ZNF273: variants seen among roughly 807,000 people sequenced by gnomAD.
The protein encoded by ZNF273 is zinc finger protein 9.
A neutral mutation model predicts 14.9 loss-of-function variants in ZNF273; 11 were observed. That is an observed-to-expected ratio of 0.74 (90% confidence interval 0.46 to 1.22). The LOEUF is 1.22. ZNF273 is among the 50% of genes most tolerant of loss of function. ZNF273 has a pLI of 0.00. For missense variants in ZNF273, 577 were observed against 660.6 expected, an observed-to-expected ratio of 0.87 and a Z score of 1.39; for synonymous variants, 199 against 223.9, an observed-to-expected ratio of 0.89 and a Z score of 0.99.
At chr7:64,931,830 A>G (rs1031908030), downstream of ZNF273, among the ~76,000 whole-genome samples, 24 of 152,336 alleles carry the variant, frequency 1.6e-4, no homozygotes, top group Admixed American at 5.2e-4. Flanking sequence ...GAATATATCA[A>G]TGGTGAAACA....
chr7:64,936,131 ATAT>A, the ZNF273 span, among the ~76,000 whole-genome samples: 1 of 152,230 alleles, frequency 6.6e-6, no homozygotes, highest in East Asian at 1.9e-4. Context: ...CTACATACAC[ATAT>A]TATTATTCTC....
At chr7:64,891,691 A>G (rs1010662770), downstream of ZNF273, among the ~76,000 whole-genome samples, 23 of 152,208 alleles carry the variant, frequency 1.5e-4, no homozygotes, top group Admixed American at 1.1e-3. Flanking sequence ...CTTATTATGT[A>G]TCACCAGCCA....
chr7:64,914,950 A>G (rs1377326090), intron 1 of ZNF273, among the ~76,000 whole-genome samples: 1 of 148,514 alleles, frequency 6.7e-6, no homozygotes, highest in Non-Finnish European at 1.5e-5. Context: ...TTAGCTAAAC[A>G]TGTCTCAGAT....
At chr7:64,891,910 C>G (rs1176445805), downstream of ZNF273, among the ~76,000 whole-genome samples, 1 of 152,228 alleles carries the variant, frequency 6.6e-6, no homozygotes, top group South Asian at 2.1e-4. Context: ...GCTCCTGCCT[C>G]TCACTGGCCT....
At position 64,927,941 on chromosome 7, in the gene ZNF273, C is replaced by T. The variant is rs760743220; in HGVS notation, c.613C>T (p.Pro205Ser). The change falls in exon 4 of 4, where the codon CCT becomes TCT. Residue 205 changes from proline to serine, a missense_variant. Transcript: ENST00000476120. Reference protein sequence around the residue: ...IHKKRQTGKKPFKCKECGKSC... With the variant: ...IHKKRQTGKKSFKCKECGKSC... ...TAAGAAAAGACAAACTGGAAAGAAA[C>T]CTTTCAAATGTAAAGAATGTGGCAA... 2 of 1,613,586 alleles carry T rather than the reference C, an allele frequency of 1.2e-6. No individual in the cohort carries two copies. Among genetic ancestry groups the T allele is most frequent in the East Asian group, 2.2e-5 (1 of 44,828 alleles).
At chr7:64,934,467 G>A (rs1186117698), downstream of ZNF273, among the ~76,000 whole-genome samples, 2 of 152,066 alleles carry the variant, frequency 1.3e-5, no homozygotes, top group African/African-American at 2.4e-5. Context: ...TTACATTTAA[G>A]TAATTAAACT....
At chr7:64,909,356 C>G (rs1409629748) in intron 1 of ZNF273, among the ~76,000 whole-genome samples, 3 of 152,032 alleles carry the variant, frequency 2.0e-5, no homozygotes, top group African/African-American at 7.2e-5. Context: ...TCCCAAGCAG[C>G]TGGGATTACA....
downstream of ZNF273, among the ~76,000 whole-genome samples, chr7:64,894,341 T>C (rs1304291429): frequency 6.6e-6 from 1 of 152,156 alleles, no homozygotes; most frequent in East Asian, 1.9e-4. Context: ...CCATAGGTCC[T>C]GTCCGTCTGG....
chr7:64,912,368 G>T (rs1176029029), intron 1 of ZNF273, among the ~76,000 whole-genome samples: 1 of 152,214 alleles, frequency 6.6e-6, no homozygotes, highest in African/African-American at 2.4e-5. Context: ...TCAATAATCT[G>T]TCTAATAGTG....
chr7:64,883,214 A>ACCCCCCCCCCCCCCCCCCCC (rs57594044), downstream of ZNF273, among the ~76,000 whole-genome samples: 1 of 121,638 alleles, frequency 8.2e-6, no homozygotes, highest in African/African-American at 3.1e-5. Flanking sequence ...CCAAATCACC[A>ACCCCCCCCCCCCCCCCCCCC]CCCCCCCCTC....
chr7:64,888,827 A>C, exon 2 of ZNF273: 1 of 985,900 alleles, frequency 1.0e-6, no homozygotes, highest in South Asian at 4.7e-5. Context: ...TCTGGAAAGA[A>C]GAAACCGTCT....
chr7:64,879,492 C>T (rs35916947), exon 3 of ZNF273: 47,718 of 152,120 alleles, frequency 0.31, 8,517 homozygotes, highest in Non-Finnish European at 0.38. Flanking sequence ...ACTTTCTCAA[C>T]CTCACCTGCC....
chr7:64,908,602 G>A (rs1041316549), intron 1 of ZNF273, among the ~76,000 whole-genome samples: 9 of 152,110 alleles, frequency 5.9e-5, no homozygotes, highest in African/African-American at 2.2e-4. Flanking sequence ...ACAAGCACCT[G>A]TCACCACGCT....
intron 3 of ZNF273, chr7:64,923,316 T>G: frequency 2.2e-6 from 1 of 454,538 alleles, no homozygotes; most frequent in Non-Finnish European, 4.4e-6. Flanking sequence ...TTTATTGTTG[T>G]TGTTTGTTTT....
At chr7:64,894,575 T>A (rs1019640730), downstream of ZNF273, among the ~76,000 whole-genome samples, 11 of 146,426 alleles carry the variant, frequency 7.5e-5, no homozygotes, top group Non-Finnish European at 1.3e-4. Flanking sequence ...GCTTATTTTA[T>A]AAAATGTCAC....
chr7:64,884,419 G>A (rs536834126), downstream of ZNF273, among the ~76,000 whole-genome samples: 2 of 152,188 alleles, frequency 1.3e-5, no homozygotes, highest in Admixed American at 6.5e-5. Context: ...CTGGGCACCC[G>A]TTTCAGTCTT....
At chr7:64,891,968 T>C (rs1310450628), downstream of ZNF273, among the ~76,000 whole-genome samples, 1 of 152,198 alleles carries the variant, frequency 6.6e-6, no homozygotes, top group Non-Finnish European at 1.5e-5. Flanking sequence ...TGTTGCACTT[T>C]CAAACCAGCA....
chr7:64,888,336 C>T, intron 1 of ZNF273: 1 of 985,294 alleles, frequency 1.0e-6, no homozygotes, highest in Non-Finnish European at 1.2e-6. Flanking sequence ...CACCTCTGAG[C>T]TCAAATTCCT....
chr7:64,888,707 G>T, exon 2 of ZNF273: 2 of 985,748 alleles, frequency 2.0e-6, no homozygotes, highest in Non-Finnish European at 2.4e-6. Context: ...CCGGCTCCTG[G>T]AGGACAGCGG....
Sources: gnomAD v4.1 joint callset for allele counts (sites outside exome capture counted in the v4.1 genomes callset) on GRCh38, gnomAD v4.1.1 for gene constraint, MANE v1.5 for transcripts, NCBI Gene and HGNC (gene_info 2026-07-23, HGNC 2026-07-21) for gene names.